The following OGN variants were observed in gnomAD, a reference collection of about 807,000 sequenced individuals.
OGN encodes osteoglycin.
Under a neutral mutation model 30.8 loss-of-function variants are expected in OGN, and 19 were observed. The ratio of observed to expected loss-of-function variants is 0.62; its 90% CI spans 0.43 to 0.90. The LOEUF (loss-of-function observed/expected upper bound fraction) is 0.90, where lower values mean the gene tolerates loss of function less well. Ranked by LOEUF, OGN falls within the 40% of genes least tolerant of loss-of-function variation. The probability of loss-of-function intolerance (pLI) is 0.00; values close to 1 mark genes in which losing one functional copy is unlikely to be tolerated. For synonymous variants in OGN, 126 were observed against 128.3 expected, an observed-to-expected ratio of 0.98 and a Z score of 0.12; for missense variants, 283 against 349.7, an observed-to-expected ratio of 0.81 and a Z score of 1.52.
rs1290393738 is a variant in OGN at position 92,402,424 on chromosome 9, G to A, written c.174+810C>T. Among the ~76,000 whole-genome samples, 6 of 152,256 alleles carry A rather than the reference G, an allele frequency of 3.9e-5. No individual in the cohort carries two copies. The East Asian group carries it at 5.8e-4, about 15-fold the overall frequency. ...TGGAGAAGAACTTCTGAAACAATCA[G>A]TATTGTTATATATTTGGCTGAATTT... is the stretch of plus-strand genomic sequence containing the variant. On this transcript the variant is annotated intron_variant, in intron 2 of 6. Transcript: ENST00000375561.
chr9:92,383,318 T>C lies in OGN; in HGVS notation c.*2302A>G, dbSNP rs901558208. On this transcript the variant is annotated 3_prime_UTR_variant, in exon 7 of 7. Transcript: ENST00000375561. The stretch of plus-strand genomic sequence containing the variant: ...TATTTGGGGGTCTCTTGAAGTTCCA[T>C]TTTATTTGTGTGAAAGCATCATTGA... 6.6e-6 allele frequency among the ~76,000 whole-genome samples: 1 copy of C among 152,208 alleles called. No homozygotes were observed. The highest frequency in any genetic ancestry group is 1.5e-5 in the Non-Finnish European group (1 of 68,034).
chr9:92,404,625 G>A (rs1843250824), upstream of OGN: 13 of 1,281,248 alleles, frequency 1.0e-5, no homozygotes, highest in Non-Finnish European at 1.3e-5. Context: ...AAATTTCAGG[G>A]CCCAGCAGCT....
Position 92,403,373 on chromosome 9 carries a change from A to C in OGN, c.35T>G (p.Leu12Arg), listed in dbSNP as rs753096520. 1 of 1,613,060 alleles carries C rather than the reference A, an allele frequency of 6.2e-7. No individual in the cohort carries two copies. The highest frequency in any genetic ancestry group is 1.3e-5 in the African/African-American group (1 of 74,902). The change falls in exon 2 of 7, where the codon CTG (leucine) becomes CGG (arginine). Residue 12 changes from leucine (L) to arginine (R), a missense_variant. Coordinates refer to ENST00000375561, the MANE Select transcript of OGN (RefSeq NM_014057.5). The stretch of plus-strand genomic sequence containing the variant: ...TGCTGGCTTTATCAGAGGCACAAGC[A>C]GTAACAGGAGAAGTGTAGACTGCAG... ...KTLQSTLLLL[L>R]LVPLIKPAPP...
rs533637556 is a variant in OGN at position 92,400,453 on chromosome 9, A to T, written c.268+639T>A. ...CGTGAGCCACCACGCCCAGCCTGGG[A>T]TGTCTTTAAATTTATTCAAATCTAT... On this transcript the variant is annotated intron_variant, in intron 3 of 6. Coordinates refer to ENST00000375561, the MANE Select transcript of OGN (RefSeq NM_014057.5). Among the ~76,000 whole-genome samples the T allele has an allele frequency of 2.6e-5, 4 of 152,236 alleles. No homozygotes were observed. The East Asian group carries it at 7.7e-4, about 29-fold the overall frequency.
In OGN at chr9:92,383,292, T is replaced by C. The variant is rs926627789; in HGVS notation, c.*2328A>G. Among the ~76,000 whole-genome samples the C allele has an allele frequency of 2.6e-5, 4 of 152,286 alleles. No homozygotes were observed. The highest frequency in any genetic ancestry group is 2.6e-4 in the Admixed American group (4 of 15,304). On this transcript the variant is annotated 3_prime_UTR_variant, in exon 7 of 7. Transcript: ENST00000375561. The stretch of plus-strand genomic sequence containing the variant: ...ATTCTTATTTTCAAGATTCTTCTCT[T>C]TATTTGGGGGTCTCTTGAAGTTCCA...
At chr9:92,386,332 T>C in intron 5 of OGN, 36 bp from the exon 6 acceptor site, 2 of 1,316,366 alleles carry the variant, frequency 1.5e-6, no homozygotes, top group Middle Eastern at 3.7e-4. Flanking sequence ...TTATTGAGGT[T>C]CTGTACATTC....
Position 92,393,181 on chromosome 9 carries a change from A to G in OGN, c.332T>C (p.Ile111Thr), listed in dbSNP as rs756899012. The change falls in exon 4 of 7, where the codon ATT becomes ACT. Residue 111 changes from isoleucine to threonine, a missense_variant. Physicochemically the swap from Ile to Thr is moderately conservative, Grantham distance 89 (BLOSUM62 -1). Transcript: ENST00000375561. ...CTTTGGTAAGGGTGGTACAGCATCA[A>G]TGTCAACTTCTTCACAGTATACAGA... Reference protein sequence around the residue: ...SGSVYCEEVDIDAVPPLPKES... With the variant: ...SGSVYCEEVDTDAVPPLPKES... 5 of 1,613,764 alleles carry G rather than the reference A, an allele frequency of 3.1e-6. No individual in the cohort carries two copies. Among genetic ancestry groups the G allele is most frequent in the African/African-American group, 1.3e-5 (1 of 74,924 alleles).
At chr9:92,390,990 T>G (rs1437616414) in intron 4 of OGN, among the ~76,000 whole-genome samples, 1 of 151,956 alleles carries the variant, frequency 6.6e-6, no homozygotes, top group Non-Finnish European at 1.5e-5. Flanking sequence ...TCAGGCCAGG[T>G]GTGGTGGCTT....
intron 3 of OGN, among the ~76,000 whole-genome samples, chr9:92,399,783 G>A (rs1843034504): frequency 6.6e-6 from 1 of 152,096 alleles, no homozygotes; most frequent in Non-Finnish European, 1.5e-5. Flanking sequence ...ATTTAGGTTG[G>A]TACCTTTAGT....
In OGN at chr9:92,403,465, A is replaced by G; in HGVS notation, c.-58T>C. 2 of 1,534,122 alleles carry G rather than the reference A, an allele frequency of 1.3e-6. No individual in the cohort carries two copies. Among genetic ancestry groups the G allele is most frequent in the Non-Finnish European group, 8.7e-7 (1 of 1,144,024 alleles). On this transcript the variant is annotated 5_prime_UTR_variant, in exon 2 of 7. Transcript: ENST00000375561. ...AAACTAGTGGCCTGCTGACTGTGGG[A>G]CAAAACTCTCTTTTTCCCTGGAAAT...
Position 92,386,185 on chromosome 9 carries a change from A to G in OGN, c.726+16T>C. 1 of 1,542,508 alleles carries G rather than the reference A, an allele frequency of 6.5e-7. No homozygotes were observed. Among genetic ancestry groups the G allele is most frequent in the Non-Finnish European group, 9.0e-7 (1 of 1,115,206 alleles). ...TAGGTAATTAGAGTCAGATATTGTGAAAGGAACTATCATACCTGAAGATGA... is the reference window on the plus strand; with the variant it reads ...TAGGTAATTAGAGTCAGATATTGTGGAAGGAACTATCATACCTGAAGATGA... On this transcript the variant is annotated intron_variant, in intron 6 of 6. Transcript: ENST00000375561.
At chr9:92,390,587 T>TGTGTGTGTGCGCGC (rs749697394) in intron 4 of OGN, among the ~76,000 whole-genome samples, 1,677 of 141,868 alleles carry the variant, frequency 0.012, 19 homozygotes, top group South Asian at 0.049. Context: ...TGTGTGTGTG[T>TGTGTGTGTGCGCGC]GCGCGCGCGC....
chr9:92,389,818 C>CTATATCATA lies in OGN; in HGVS notation c.630+35_630+36insTATGATATA, dbSNP rs1490186366. ...TTCTCTTTTATCTATCATATCATCA[C>CTATATCATA]TCATACTATGCTTAGTTTTACTATA... On this transcript the variant is annotated intron_variant, in intron 5 of 6. Transcript: ENST00000375561. The CTATATCATA allele has an allele frequency of 2.2e-5, 31 of 1,392,874 alleles. No individual in the cohort carries two copies. In the African/African-American group the frequency reaches 3.9e-4, roughly 17 times the overall value. 86.3% of individuals were successfully genotyped at this position (1,392,874 alleles called of 1,614,324 possible). A position where few individuals can be genotyped will look rare whatever the true frequency, so the allele number is the denominator to read the frequency against.
At chr9:92,385,874 C>A in intron 6 of OGN, 84 bp from the exon 7 acceptor site, 1 of 1,345,128 alleles carries the variant, frequency 7.4e-7, no homozygotes, top group Non-Finnish European at 1.0e-6. Flanking sequence ...AAACCTAAGT[C>A]AGAGGTCTGA....
chr9:92,389,826 A>G, intron 5 of OGN, 28 bp downstream of exon 5: 2 of 1,457,070 alleles, frequency 1.4e-6, no homozygotes, highest in Non-Finnish European at 1.9e-6. Flanking sequence ...CACTCATACT[A>G]TGCTTAGTTT....
intron 3 of OGN, among the ~76,000 whole-genome samples, chr9:92,398,400 G>C (rs114869321): frequency 1.3e-3 from 200 of 152,128 alleles, no homozygotes; most frequent in African/African-American, 4.4e-3. Context: ...AAGTATATAC[G>C]CAGAGAACTG....
intron 3 of OGN, among the ~76,000 whole-genome samples, chr9:92,396,351 A>G (rs1406426340): frequency 6.6e-6 from 1 of 151,854 alleles, no homozygotes; most frequent in Non-Finnish European, 1.5e-5. Flanking sequence ...ATTTTTATAT[A>G]TATTTTAGAA....
chr9:92,387,695 C>G (rs1842491373), intron 5 of OGN, among the ~76,000 whole-genome samples: 1 of 152,134 alleles, frequency 6.6e-6, no homozygotes, highest in Admixed American at 6.5e-5. Flanking sequence ...GTAGAATAAC[C>G]TAATTCTACT....
chr9:92,387,028 A>G (rs1842452835), intron 5 of OGN, among the ~76,000 whole-genome samples: 1 of 147,622 alleles, frequency 6.8e-6, no homozygotes, highest in South Asian at 2.3e-4. Flanking sequence ...AGCCTGGGCA[A>G]CAGAGCGAGA....
Sources: allele counts gnomAD v4.1 joint callset (sites outside exome capture counted in the v4.1 genomes callset), GRCh38; gene constraint gnomAD v4.1.1; transcripts MANE v1.5; gene names NCBI Gene and HGNC (gene_info 2026-07-23, HGNC 2026-07-21).